The following SFXN4 variants were observed in gnomAD, a reference collection of about 807,000 sequenced individuals.
The protein encoded by SFXN4 is sideroflexin 4.
In SFXN4, 48 loss-of-function variants were observed where a neutral mutation model predicts 54.6. That is an observed-to-expected ratio of 0.88 (90% CI 0.70 to 1.12). SFXN4 has a LOEUF of 1.12. SFXN4 is among the 50% of genes most tolerant of loss of function. The pLI is 0.00. For synonymous variants in SFXN4, 130 were observed against 145.5 expected (o/e 0.89, Z 0.77); for missense variants, 383 against 409.2 (o/e 0.94, Z 0.55).
At chr10:119,142,032 T>A (rs12415613) in intron 13 of SFXN4, among the ~76,000 whole-genome samples, 32,014 of 151,808 alleles carry the variant, frequency 0.21, 3,881 homozygotes, top group African/African-American at 0.32. Context: ...TGGGACCCTA[T>A]CTCTACAAAA....
At chr10:119,145,270 T>C (rs1321730470) in intron 13 of SFXN4, among the ~76,000 whole-genome samples, 2 of 150,680 alleles carry the variant, frequency 1.3e-5, no homozygotes, top group African/African-American at 4.9e-5. Context: ...AACTGATGAC[T>C]CACCTTCACT....
intron 6 of SFXN4, among the ~76,000 whole-genome samples, chr10:119,158,361 C>G (rs962165467): frequency 2.0e-5 from 3 of 152,094 alleles, no homozygotes; most frequent in African/African-American, 7.2e-5. Context: ...TGGCTCACTC[C>G]TATAATCCCA....
chr10:119,161,424 CAACA>C (rs1847527569), intron 3 of SFXN4, among the ~76,000 whole-genome samples: 1 of 50,288 alleles, frequency 2.0e-5, no homozygotes, highest in African/African-American at 6.5e-5. Context: ...ACAACAACAA[CAACA>C]AAAAAAAACA....
In SFXN4 at chr10:119,162,362, C is replaced by G. The variant is rs757118908; in HGVS notation, c.230G>C (p.Ser77Thr). The G allele has an allele frequency of 8.7e-6, 14 of 1,614,068 alleles. No individual in the cohort carries two copies. Among genetic ancestry groups the G allele is most frequent in the African/African-American group, 1.3e-5 (1 of 74,928 alleles). Residue 77 changes from serine (S) to threonine (T), a missense_variant, in exon 3 of 14, where the codon AGC (serine) becomes ACC (threonine). Transcript: ENST00000355697. ...QLLCTNEDVS[S>T]PASADQRIQE... ...TACCCTTTGGTCCGCCGAGGCAGGGCTGGAAACATCTTCATTTGTGCACAA... is the reference window on the plus strand; with the variant it reads ...TACCCTTTGGTCCGCCGAGGCAGGGGTGGAAACATCTTCATTTGTGCACAA...
In SFXN4 at chr10:119,141,338, CATA is replaced by C. The variant is rs778919001; in HGVS notation, c.937-22_937-20del. The C allele has an allele frequency of 8.9e-6, 13 of 1,453,716 alleles. No individual in the cohort carries two copies. The highest frequency in any genetic ancestry group is 2.3e-5 in the East Asian group (1 of 43,658). 90.1% of individuals were successfully genotyped at this position (1,453,716 alleles called of 1,614,324 possible). On this transcript the variant is annotated intron_variant, in intron 13 of 13. Transcript: ENST00000355697. The stretch of plus-strand genomic sequence containing the variant: ...ACTGTATCTGAAAAATAGTTAAATT[CATA>C]ATGTTTCTATTAATAGTTTTTCTTG...
intron 12 of SFXN4, among the ~76,000 whole-genome samples, chr10:119,146,816 C>T (rs572837603): frequency 6.6e-6 from 1 of 152,270 alleles, no homozygotes; most frequent in East Asian, 1.9e-4. Context: ...GATCTGCCCA[C>T]CTTGGCCTCC....
At chr10:119,159,911 G>T (rs957141183) in intron 5 of SFXN4, among the ~76,000 whole-genome samples, 158 bp from the exon 6 acceptor site, 5 of 152,138 alleles carry the variant, frequency 3.3e-5, no homozygotes, top group South Asian at 4.1e-4. Flanking sequence ...CTAATAAAGT[G>T]GGGGGTCAAG....
chr10:119,156,191 G>A (rs2133605359), intron 10 of SFXN4, among the ~76,000 whole-genome samples: 1 of 152,320 alleles, frequency 6.6e-6, no homozygotes, highest in South Asian at 2.1e-4. Flanking sequence ...GGAAAGCTGA[G>A]GCAGGCGAAT....
intron 2 of SFXN4, 88 bp downstream of exon 2, chr10:119,164,039 TCAAA>T (rs1847662043): frequency 1.8e-6 from 1 of 541,510 alleles, no homozygotes; most frequent in Non-Finnish European, 2.8e-6. Flanking sequence ...AAACTCCGTC[TCAAA>T]AAAAAAAAAA....
At chr10:119,161,170 G>T in intron 3 of SFXN4, 89 bp from the exon 4 acceptor site, 1 of 1,309,718 alleles carries the variant, frequency 7.6e-7, no homozygotes, top group Non-Finnish European at 1.1e-6. Flanking sequence ...CTGGGGTATA[G>T]TGGCACAATC....
chr10:119,143,665 C>T (rs932873759), intron 13 of SFXN4, among the ~76,000 whole-genome samples: 21 of 152,034 alleles, frequency 1.4e-4, no homozygotes, highest in Middle Eastern at 3.4e-3. Context: ...TTAGCAGAGA[C>T]GAGGTCTTGC....
At position 119,160,230 on chromosome 10, in the gene SFXN4, C is replaced by T. The variant is rs1847463205; in HGVS notation, c.335-477G>A. 2.0e-5 allele frequency among the ~76,000 whole-genome samples: 3 copies of T among 152,052 alleles called. No homozygotes were observed. In the South Asian group the frequency reaches 6.2e-4, roughly 32 times the overall value. ...GTACATAAAATTACTATAACATGGC[C>T]AGGCACAGTGGCTCACGCCTGTAAT... is the stretch of plus-strand genomic sequence containing the variant. On this transcript the variant is annotated intron_variant, in intron 5 of 13. Transcript: ENST00000355697.
Position 119,141,162 on chromosome 10 carries a change from G to C in SFXN4, c.*80C>G. ...CACCTCTGGGGTCCCCAGAAGACCTGTGGCAAAGTTCTCTAAACCGAACCT... is the reference window on the plus strand; with the variant it reads ...CACCTCTGGGGTCCCCAGAAGACCTCTGGCAAAGTTCTCTAAACCGAACCT... On this transcript the variant is annotated 3_prime_UTR_variant, in exon 14 of 14. Transcript: ENST00000355697. 3.9e-6 allele frequency: 4 copies of C among 1,021,978 alleles called. No homozygotes were observed. The highest frequency in any genetic ancestry group is 6.0e-6 in the Non-Finnish European group (4 of 665,526). 63.3% of individuals were successfully genotyped at this position (1,021,978 alleles called of 1,614,324 possible). A position where few individuals can be genotyped will look rare whatever the true frequency, so the allele number is the denominator to read the frequency against.
chr10:119,149,462 C>T (rs1846960860), intron 11 of SFXN4, among the ~76,000 whole-genome samples: 1 of 152,106 alleles, frequency 6.6e-6, no homozygotes, highest in African/African-American at 2.4e-5. Context: ...AAAATAAGGT[C>T]TTAAGGGCCG....
chr10:119,155,952 C>T (rs1012785756), intron 10 of SFXN4, among the ~76,000 whole-genome samples: 22 of 152,104 alleles, frequency 1.4e-4, no homozygotes, highest in African/African-American at 4.8e-4. Context: ...ATCTCTGTCA[C>T]CCCACTGGGT....
intron 6 of SFXN4, 26 bp from the exon 7 acceptor site, chr10:119,158,088 T>C (rs763730139): frequency 3.7e-6 from 6 of 1,608,640 alleles, no homozygotes; most frequent in Non-Finnish European, 3.4e-6. Context: ...TGGAACAGAG[T>C]TACAAGTGTT....
Position 119,146,366 on chromosome 10 carries a change from A to C in SFXN4, c.819-13T>G. ...GAAATACTGGGTCCTGTAAGAGACA[A>C]GGCATGGCTCACAAGTGATGTTAAA... On this transcript the variant is annotated splice_polypyrimidine_tract_variant and intron_variant, in intron 12 of 13. Coordinates refer to ENST00000355697, the MANE Select transcript of SFXN4 (RefSeq NM_213649.2). 6.7e-7 allele frequency: 1 copy of C among 1,503,136 alleles called. No homozygotes were observed. Among genetic ancestry groups the C allele is most frequent in the Non-Finnish European group, 9.3e-7 (1 of 1,080,720 alleles). The allele number at this position is 1,503,136 out of a possible 1,614,324, so 93.1% of individuals were successfully genotyped here.
intron 2 of SFXN4, 127 bp downstream of exon 2, chr10:119,164,004 C>A: frequency 1.6e-6 from 1 of 644,136 alleles, no homozygotes; most frequent in Admixed American, 3.0e-5. Context: ...GGTGCCACTG[C>A]ACTCCATCCT....
At chr10:119,155,253 G>A in intron 10 of SFXN4, 76 bp from the exon 11 acceptor site, 1 of 1,004,400 alleles carries the variant, frequency 1.0e-6, no homozygotes, top group South Asian at 1.3e-5. Flanking sequence ...CTCTTTGGGT[G>A]TCTGCCCCCT....
Sources: allele counts gnomAD v4.1 joint callset (sites outside exome capture counted in the v4.1 genomes callset), GRCh38; gene constraint gnomAD v4.1.1; transcripts MANE v1.5; gene names NCBI Gene and HGNC (gene_info 2026-07-23, HGNC 2026-07-21).